Variants in CKMT2 observed in about 807,000 individuals in gnomAD.
CKMT2 encodes the protein creatine kinase S-type, mitochondrial.
CKMT2 carries 43 observed loss-of-function variants against 48.9 expected under a neutral mutation model. The ratio of observed to expected loss-of-function variants is 0.88; its 90% CI spans 0.69 to 1.13. CKMT2 has a LOEUF of 1.13. CKMT2 is among the 50% of genes most tolerant of loss of function. The pLI, the probability that CKMT2 is intolerant of heterozygous loss-of-function variation, is 0.00. For synonymous variants in CKMT2, 206 were observed against 213.0 expected (o/e 0.97, Z 0.29); for missense variants, 472 against 555.4 (o/e 0.85, Z 1.51).
chr5:81,252,724 A>T lies in CKMT2; in HGVS notation c.182A>T (p.Asn61Ile). ...SADYPDLRKH[N>I]NCMAECLTPA... ...GACTACCCAGACCTGCGCAAGCACA[A>T]CAACTGCATGGCCGAGTGCCTCACC... is the stretch of plus-strand genomic sequence containing the variant. Residue 61 changes from asparagine (N) to isoleucine (I), a missense_variant, in exon 3 of 10, where the codon AAC becomes ATC. Coordinates refer to ENST00000254035, the MANE Select transcript of CKMT2 (RefSeq NM_001099735.2). The T allele has an allele frequency of 6.2e-7, 1 of 1,614,148 alleles. No homozygotes were observed. The highest frequency in any genetic ancestry group is 1.1e-5 in the South Asian group (1 of 91,084).
intron 8 of CKMT2, among the ~76,000 whole-genome samples, chr5:81,260,859 A>T (rs1561287743): frequency 6.6e-6 from 1 of 152,252 alleles, no homozygotes; most frequent in South Asian, 2.1e-4. Flanking sequence ...TCCCTAACTC[A>T]TTGTATGAGG....
Position 81,255,442 on chromosome 5 carries a change from T to C in CKMT2, c.669+228T>C, listed in dbSNP as rs544570856. On this transcript the variant is annotated intron_variant, in intron 5 of 9. Transcript: ENST00000254035. ...AAACATTCTATGCATAAAATCTGCATAGGAAACTCCAATATGGAGATGGTG... is the reference window on the plus strand; with the variant it reads ...AAACATTCTATGCATAAAATCTGCACAGGAAACTCCAATATGGAGATGGTG... Among the ~76,000 whole-genome samples the C allele has an allele frequency of 5.3e-5, 8 of 152,326 alleles. 1 individual carries two copies. In the East Asian group the frequency reaches 9.6e-4, roughly 18 times the overall value.
chr5:81,257,898 AATTACCGTATT>A, intron 7 of CKMT2, 42 bp downstream of exon 7: 1 of 1,573,910 alleles, frequency 6.4e-7, no homozygotes, highest in Non-Finnish European at 8.7e-7. Context: ...ATTAAAATAA[AATTACCGTATT>A]GTTTGTTCTT....
chr5:81,240,638 A>C (rs1756404087), intron 1 of CKMT2, among the ~76,000 whole-genome samples: 1 of 152,152 alleles, frequency 6.6e-6, no homozygotes, highest in Non-Finnish European at 1.5e-5. Flanking sequence ...CTTTATTTAA[A>C]TGAGTGCCTG....
intron 1 of CKMT2, chr5:81,239,286 TAG>T (rs1160707263): frequency 2.0e-5 from 3 of 152,258 alleles, no homozygotes; most frequent in African/African-American, 7.2e-5. Flanking sequence ...TTATCTTCCG[TAG>T]AGTCCCTCCA....
In CKMT2 at chr5:81,255,102, G is replaced by C; in HGVS notation, c.557G>C (p.Arg186Thr). The change falls in exon 5 of 10, where the codon AGG becomes ACG. Residue 186 changes from arginine to threonine, a missense_variant. Transcript: ENST00000254035. ...LPPACTRAER[R>T]EVENVAITAL... The stretch of plus-strand genomic sequence containing the variant: ...CCAGCCTGCACCCGGGCCGAGCGAA[G>C]GGAGGTAGAGAACGTGGCCATCACT... 3 of 1,614,112 alleles carry C rather than the reference G, an allele frequency of 1.9e-6. No individual in the cohort carries two copies. The highest frequency in any genetic ancestry group is 2.5e-6 in the Non-Finnish European group (3 of 1,180,030).
At chr5:81,260,267 G>A (rs1477197887) in intron 8 of CKMT2, among the ~76,000 whole-genome samples, 1 of 152,124 alleles carries the variant, frequency 6.6e-6, no homozygotes, top group Non-Finnish European at 1.5e-5. Context: ...GGAGAAAGCA[G>A]GAAAGATCTA....
intron 5 of CKMT2, among the ~76,000 whole-genome samples, chr5:81,255,530 T>G (rs926502654): frequency 3.9e-5 from 6 of 152,174 alleles, no homozygotes; most frequent in African/African-American, 1.4e-4. Flanking sequence ...ATGGGAACAG[T>G]TAGGTGTGGA....
chr5:81,237,880 C>T (rs909645602), intron 1 of CKMT2: 3 of 152,150 alleles, frequency 2.0e-5, no homozygotes, highest in Non-Finnish European at 4.4e-5. Context: ...GCAGTTTTAA[C>T]TCCTTTAATA....
At chr5:81,237,173 G>A (rs1387498798) in intron 1 of CKMT2, among the ~76,000 whole-genome samples, 1 of 152,148 alleles carries the variant, frequency 6.6e-6, no homozygotes, top group Non-Finnish European at 1.5e-5. Context: ...ATTTAAATGC[G>A]AAAAATGTAA....
rs147105615 is a variant in CKMT2, at chr5:81,254,690, A to G, written c.447+199A>G. The G allele has an allele frequency of 3.7e-5, 22 of 597,050 alleles. No individual in the cohort carries two copies. In the African/African-American group the frequency reaches 3.7e-4, roughly 10 times the overall value. 37.0% of individuals were successfully genotyped at this position (597,050 alleles called of 1,614,324 possible). On this transcript the variant is annotated intron_variant, in intron 4 of 9. Coordinates refer to ENST00000254035, the MANE Select transcript of CKMT2 (RefSeq NM_001099735.2). ...AAGTCTGTTTTCTTTAATAAATACA[A>G]CTAGGGAAGGGTTGGTCATTGGGAA... is the stretch of plus-strand genomic sequence containing the variant.
rs372346063 is a variant in CKMT2 at position 81,259,073 on chromosome 5, G to C, written c.880-47G>C. ...GGTGTTAGGGATGTGCTGAATGAAT[G>C]GATGTTGGAAAATGCTGTCATTTGT... On this transcript the variant is annotated intron_variant, in intron 7 of 9. Coordinates refer to ENST00000254035, the MANE Select transcript of CKMT2 (RefSeq NM_001099735.2). 1.9e-6 allele frequency: 3 copies of C among 1,578,208 alleles called. No individual in the cohort carries two copies. In the African/African-American group the frequency reaches 4.0e-5, roughly 21 times the overall value.
In CKMT2 at chr5:81,257,141, A is replaced by AGTGTGTGTGTGTGTGTGTGT. The variant is rs3830407; in HGVS notation, c.755+164_755+183dup. The AGTGTGTGTGTGTGTGTGTGT allele has an allele frequency of 5.6e-5, 28 of 499,130 alleles. No homozygotes were observed. The African/African-American group carries it at 5.7e-4, about 10-fold the overall frequency. 30.9% of individuals were successfully genotyped at this position (499,130 alleles called of 1,614,324 possible). On this transcript the variant is annotated intron_variant, in intron 6 of 9. Coordinates refer to ENST00000254035, the MANE Select transcript of CKMT2 (RefSeq NM_001099735.2). ...CTAAATGGAAAAAGACTACTTGGAAAGTGTGTGTGTGTGTGTGTGTGTGTG... is the reference window on the plus strand; with the variant it reads ...CTAAATGGAAAAAGACTACTTGGAAAGTGTGTGTGTGTGTGTGTGTGTGTGTGTGTGTGTGTGTGTGTGTG...
intron 1 of CKMT2, among the ~76,000 whole-genome samples, chr5:81,243,873 A>G (rs1050616767): frequency 1.3e-5 from 2 of 152,138 alleles, no homozygotes; most frequent in Non-Finnish European, 2.9e-5. Context: ...TTGTATTTTT[A>G]GTAGAGACAG....
At chr5:81,258,913 G>A (rs564233575) in intron 7 of CKMT2, among the ~76,000 whole-genome samples, 1 of 152,228 alleles carries the variant, frequency 6.6e-6, no homozygotes, top group East Asian at 1.9e-4. Context: ...GGGGACCACT[G>A]CTTTACATGG....
rs746721484 is a variant in CKMT2, at chr5:81,252,792, G to A, written c.250G>A (p.Gly84Ser). ...AKLRNKVTPN[G>S]YTLDQCIQTG... ...GCTTCGCAACAAGGTGACACCCAACGGCTACACGCTGGACCAGTGCATCCA... is the reference window on the plus strand; with the variant it reads ...GCTTCGCAACAAGGTGACACCCAACAGCTACACGCTGGACCAGTGCATCCA... Residue 84 changes from glycine to serine, a missense_variant, in exon 3 of 10, where the codon GGC becomes AGC. Transcript: ENST00000254035. 5 of 1,614,110 alleles carry A rather than the reference G, an allele frequency of 3.1e-6. No individual in the cohort carries two copies. In the Admixed American group the frequency reaches 5.0e-5, roughly 16 times the overall value.
chr5:81,251,345 C>G (rs990978695), intron 2 of CKMT2, 61 bp downstream of exon 2: 2 of 1,565,880 alleles, frequency 1.3e-6, no homozygotes, highest in African/African-American at 2.7e-5. Context: ...GCATGTAATC[C>G]CAGCACTTTG....
At position 81,259,273 on chromosome 5, in the gene CKMT2, T is replaced by TG. The variant is rs773877390; in HGVS notation, c.1014+21dup. On this transcript the variant is annotated intron_variant, in intron 8 of 9. Coordinates refer to ENST00000254035, the MANE Select transcript of CKMT2 (RefSeq NM_001099735.2). ...CAGCAAGGTACTGTTATGTGCCCAG[T>TG]GGCCCTGATGGGCCAGGATCAGCTC... The TG allele has an allele frequency of 6.2e-7, 1 of 1,608,088 alleles. No homozygotes were observed. The highest frequency in any genetic ancestry group is 8.5e-7 in the Non-Finnish European group (1 of 1,177,120).
rs565217270 is a variant in CKMT2 at position 81,261,428 on chromosome 5, A to G, written c.1015-2063A>G. Among the ~76,000 whole-genome samples, 81 of 152,358 alleles carry G rather than the reference A, an allele frequency of 5.3e-4. 1 individual carries two copies. The highest frequency in any genetic ancestry group is 1.0e-4 in the Non-Finnish European group (7 of 68,028). ...GAAGTTAAGTTGTCTGTGTTTGCAGATGACATGATTGTATATTTAGAAAAC... is the reference window on the plus strand; with the variant it reads ...GAAGTTAAGTTGTCTGTGTTTGCAGGTGACATGATTGTATATTTAGAAAAC... On this transcript the variant is annotated intron_variant, in intron 8 of 9. Coordinates refer to ENST00000254035, the MANE Select transcript of CKMT2 (RefSeq NM_001099735.2).
Sources: gnomAD v4.1 joint callset for allele counts (sites outside exome capture counted in the v4.1 genomes callset) on GRCh38, gnomAD v4.1.1 for gene constraint, MANE v1.5 for transcripts, NCBI Gene and HGNC (gene_info 2026-07-23, HGNC 2026-07-21) for gene names.